Variants in FAM186A observed in about 807,000 individuals in gnomAD.
FAM186A encodes the protein family with sequence similarity 186 member A.
A neutral mutation model predicts 216.8 loss-of-function variants in FAM186A; 163 were observed. That is an observed-to-expected ratio of 0.75 (90% CI 0.66 to 0.86). FAM186A has a LOEUF of 0.86. Ranked by LOEUF, FAM186A falls within the 40% of genes least tolerant of loss-of-function variation. FAM186A has a pLI of 0.00. For synonymous variants in FAM186A, 805 were observed against 1,025.3 expected, an observed-to-expected ratio of 0.79 and a Z score of 4.10; for missense variants, 2,184 against 2,746.2, an observed-to-expected ratio of 0.80 and a Z score of 4.58.
intron 1 of FAM186A, among the ~76,000 whole-genome samples, chr12:50,367,901 T>C (rs1943105830): frequency 6.6e-6 from 1 of 152,196 alleles, no homozygotes; most frequent in Non-Finnish European, 1.5e-5. Flanking sequence ...ATCCCAGCAC[T>C]TTGGAAGGCC....
At chr12:50,393,798 T>C (rs1162354558) in intron 1 of FAM186A, among the ~76,000 whole-genome samples, 2 of 152,166 alleles carry the variant, frequency 1.3e-5, no homozygotes, top group Non-Finnish European at 2.9e-5. Context: ...GCATACATTT[T>C]ATGGTATGCT....
chr12:50,372,091 C>T (rs945232469), intron 1 of FAM186A, among the ~76,000 whole-genome samples: 7 of 151,756 alleles, frequency 4.6e-5, no homozygotes, highest in East Asian at 1.9e-4. Context: ...GGATTACAGG[C>T]GTGAGCCATC....
chr12:50,395,625 CTCTT>C (rs932772817), intron 1 of FAM186A, among the ~76,000 whole-genome samples: 3 of 151,968 alleles, frequency 2.0e-5, no homozygotes, highest in African/African-American at 4.8e-5. Flanking sequence ...TATGTAAACA[CTCTT>C]TCTATTCTCC....
intron 1 of FAM186A, among the ~76,000 whole-genome samples, chr12:50,385,536 CAA>C (rs1943294881): frequency 6.6e-6 from 1 of 151,454 alleles, no homozygotes; most frequent in Admixed American, 6.6e-5. Flanking sequence ...GCAACAAAAG[CAA>C]AAATAGACAA....
intron 7 of FAM186A, 50 bp downstream of exon 7, chr12:50,330,523 G>C (rs1472567935): frequency 2.0e-6 from 3 of 1,522,638 alleles, no homozygotes; most frequent in Non-Finnish European, 2.6e-6. Flanking sequence ...GAACCAAAAG[G>C]TATATGATCA....
intron 1 of FAM186A, among the ~76,000 whole-genome samples, chr12:50,370,222 T>C (rs867478937): frequency 1.0e-4 from 15 of 149,886 alleles, no homozygotes; most frequent in South Asian, 8.5e-4. Flanking sequence ...AAGAATCACT[T>C]GAGCCTGGGA....
At chr12:50,333,882 C>T (rs1592596485) in intron 5 of FAM186A, 29 bp downstream of exon 5, 1 of 1,538,002 alleles carries the variant, frequency 6.5e-7, no homozygotes, top group Non-Finnish European at 8.8e-7. Context: ...TTACAACATG[C>T]TGGACAGAGG....
intron 1 of FAM186A, among the ~76,000 whole-genome samples, chr12:50,382,614 C>T (rs1374192592): frequency 6.6e-6 from 1 of 151,604 alleles, no homozygotes; most frequent in African/African-American, 2.4e-5. Context: ...GCAGGAGAAT[C>T]GCTTGAACCT....
intron 1 of FAM186A, among the ~76,000 whole-genome samples, chr12:50,373,833 T>A (rs1260522993): frequency 6.6e-6 from 1 of 152,036 alleles, no homozygotes; most frequent in Non-Finnish European, 1.5e-5. Flanking sequence ...ATCATGCTGC[T>A]ATAAAGACAC....
rs115407353 is a variant in FAM186A, at chr12:50,355,538, C to A, written c.1294G>T (p.Glu432Ter). ...GATACGTTATCTTTAGTGCTGTCTTCGGAAATATCTTCAGAAGCAACAGGT... is the reference window on the plus strand; with the variant it reads ...GATACGTTATCTTTAGTGCTGTCTTAGGAAATATCTTCAGAAGCAACAGGT... The part of the protein sequence containing the change: ...QQPVASEDIS[E>*]DSTKDNVSLK... The change falls in exon 4 of 8, where the codon GAA becomes TAA. Residue 432 changes from glutamate (E) to a stop codon, truncating the protein, a stop_gained. Coordinates refer to ENST00000327337, the MANE Select transcript of FAM186A (RefSeq NM_001145475.3). LOFTEE classifies it high-confidence loss of function. 5 of 1,551,510 alleles carry A rather than the reference C, an allele frequency of 3.2e-6. No homozygotes were observed. Among genetic ancestry groups the A allele is most frequent in the South Asian group, 1.2e-5 (1 of 84,038 alleles).
chr12:50,340,224 G>C (rs1479792532), intron 4 of FAM186A, among the ~76,000 whole-genome samples: 1 of 152,008 alleles, frequency 6.6e-6, no homozygotes, highest in Non-Finnish European at 1.5e-5. Context: ...CCTCTCCTCA[G>C]TCCTCTTCTA....
At chr12:50,361,863 G>T (rs150915111) in intron 2 of FAM186A, among the ~76,000 whole-genome samples, 1 of 150,670 alleles carries the variant, frequency 6.6e-6, no homozygotes, top group Non-Finnish European at 1.5e-5. Context: ...GAGCCACCGC[G>T]CCCGGCCATT....
rs943613184 is a variant in FAM186A, at chr12:50,350,636, G to A, written c.6196C>T (p.Gln2066Ter). 4 of 1,551,464 alleles carry A rather than the reference G, an allele frequency of 2.6e-6. No individual in the cohort carries two copies. In the African/African-American group the frequency reaches 5.5e-5, roughly 21 times the overall value. The change falls in exon 4 of 8, where the codon CAG (glutamine) becomes TAG (stop). Residue 2066 changes from glutamine to a stop codon, truncating the protein, a stop_gained. Coordinates refer to ENST00000327337, the MANE Select transcript of FAM186A (RefSeq NM_001145475.3). LOFTEE classifies it high-confidence loss of function. ...TCTATAGGAGGGAATCGGGATTTCT[G>A]GTACCATTCCAAAGGTGAAATCTGT... ...TSQISPLEWY[Q>*]KSRFPPIDKP...
chr12:50,362,743 CAAAAAAAAAAAA>C (rs10654604), intron 2 of FAM186A, among the ~76,000 whole-genome samples: 2 of 85,920 alleles, frequency 2.3e-5, no homozygotes, highest in Admixed American at 1.5e-4. Flanking sequence ...GAACCTGTCT[CAAAAAAAAAAAA>C]AAAAAAAAAA....
At chr12:50,384,346 G>A (rs1943282536) in intron 1 of FAM186A, among the ~76,000 whole-genome samples, 1 of 152,014 alleles carries the variant, frequency 6.6e-6, no homozygotes. Context: ...GATCCCTTGA[G>A]CCCAGGAGTC....
intron 4 of FAM186A, among the ~76,000 whole-genome samples, chr12:50,335,818 A>G (rs1416190207): frequency 6.6e-6 from 1 of 152,020 alleles, no homozygotes; most frequent in Non-Finnish European, 1.5e-5. Context: ...AAAGGAAAGC[A>G]TAGTTAATTC....
chr12:50,331,735 A>T lies in FAM186A; in HGVS notation c.6783T>A (p.Val2261=), dbSNP rs2138757150. 1.3e-6 allele frequency: 2 copies of T among 1,549,818 alleles called. No individual in the cohort carries two copies. Among genetic ancestry groups the T allele is most frequent in the African/African-American group, 1.4e-5 (1 of 73,038 alleles). The change falls in exon 6 of 8, where the codon GTT becomes GTA. Residue 2261 remains valine, a synonymous_variant. Coordinates refer to ENST00000327337, the MANE Select transcript of FAM186A (RefSeq NM_001145475.3). Reference sequence around the variant, plus strand: ...TTAGTAATTTTAAGAATGGCTTTTGAACAAATGTGGTAGAGGCAGGTATCT... The same window carrying T: ...TTAGTAATTTTAAGAATGGCTTTTGTACAAATGTGGTAGAGGCAGGTATCT... The part of the protein sequence containing the change: ...EKQIPASTTF[V]QKPFLKLLME...
chr12:50,386,424 A>C (rs1943304190), intron 1 of FAM186A, among the ~76,000 whole-genome samples: 1 of 152,142 alleles, frequency 6.6e-6, no homozygotes, highest in Non-Finnish European at 1.5e-5. Flanking sequence ...CCTGTCTCAA[A>C]AAACAAACAA....
Position 50,360,752 on chromosome 12 carries a change from T to C in FAM186A, c.583+4A>G, listed in dbSNP as rs1196859792. On this transcript the variant is annotated splice_donor_region_variant and intron_variant, in intron 3 of 7. Transcript: ENST00000327337. The stretch of plus-strand genomic sequence containing the variant: ...CCAACTCCAAAATCATAAAGCACCC[T>C]TACATATTTTTTTCTTTTGTTTCTT... 6.5e-7 allele frequency: 1 copy of C among 1,529,114 alleles called. No individual in the cohort carries two copies. 94.7% of individuals were successfully genotyped at this position (1,529,114 alleles called of 1,614,324 possible).
Sources: gnomAD v4.1 joint callset for allele counts (sites outside exome capture counted in the v4.1 genomes callset) on GRCh38, gnomAD v4.1.1 for gene constraint, MANE v1.5 for transcripts, NCBI Gene and HGNC (gene_info 2026-07-23, HGNC 2026-07-21) for gene names.